CSNK1G3: variants seen among roughly 807,000 people sequenced by gnomAD.
The protein encoded by CSNK1G3 is casein kinase I isoform gamma-3.
A neutral mutation model predicts 64.3 loss-of-function variants in CSNK1G3; 23 were observed. The ratio of observed to expected loss-of-function variants is 0.36; its 90% CI spans 0.26 to 0.51. CSNK1G3 has a LOEUF of 0.51. Among genes scored for constraint, CSNK1G3 ranks in the 20% least tolerant of loss-of-function variants. The probability of loss-of-function intolerance (pLI) is 0.96; values close to 1 mark genes in which losing one functional copy is unlikely to be tolerated. For synonymous variants in CSNK1G3, 158 were observed against 162.2 expected, an observed-to-expected ratio of 0.97 and a Z score of 0.20; for missense variants, 357 against 510.5, an observed-to-expected ratio of 0.70 and a Z score of 2.90.
At chr5:123,516,163 G>A (rs908060346) in intron 1 of CSNK1G3, among the ~76,000 whole-genome samples, 7 of 152,220 alleles carry the variant, frequency 4.6e-5, no homozygotes, top group African/African-American at 2.4e-5. Flanking sequence ...CTTCAGAAGC[G>A]GTAGTTTTGA....
chr5:123,565,822 C>G (rs987397576), intron 4 of CSNK1G3, among the ~76,000 whole-genome samples: 13 of 152,034 alleles, frequency 8.6e-5, no homozygotes, highest in Admixed American at 8.5e-4. Flanking sequence ...GTGCAACACA[C>G]TTTTAAACCA....
chr5:123,515,390 A>G (rs1055348543), intron 1 of CSNK1G3, among the ~76,000 whole-genome samples: 2 of 152,246 alleles, frequency 1.3e-5, no homozygotes, highest in Non-Finnish European at 2.9e-5. Context: ...TTGAATAGTT[A>G]TATTATTGTT....
chr5:123,555,462 T>C (rs890764228), intron 3 of CSNK1G3, among the ~76,000 whole-genome samples: 3 of 152,236 alleles, frequency 2.0e-5, no homozygotes, highest in South Asian at 4.1e-4. Context: ...CTCAGTGTTA[T>C]CTGGCTTTTA....
chr5:123,557,189 G>T (rs1784811426), intron 3 of CSNK1G3, among the ~76,000 whole-genome samples: 1 of 152,068 alleles, frequency 6.6e-6, no homozygotes, highest in South Asian at 2.1e-4. Context: ...AGGAGAAATA[G>T]CATAAGAGCC....
At chr5:123,606,893 G>T (rs1351463472) in intron 12 of CSNK1G3, among the ~76,000 whole-genome samples, 4 of 152,134 alleles carry the variant, frequency 2.6e-5, no homozygotes, top group Non-Finnish European at 5.9e-5. Context: ...GATTGCAGTT[G>T]TACTAGTATA....
chr5:123,592,490 C>T (rs964284), intron 10 of CSNK1G3, among the ~76,000 whole-genome samples: 148,317 of 152,038 alleles, frequency 0.98, 72,349 homozygotes, highest in East Asian at 0.99. Context: ...AAAGTTTTAT[C>T]GAAGACATCT....
At chr5:123,546,315 A>G (rs945925777) in intron 2 of CSNK1G3, among the ~76,000 whole-genome samples, 12 of 152,046 alleles carry the variant, frequency 7.9e-5, no homozygotes, top group African/African-American at 2.4e-4. Context: ...TTCTGCCCCA[A>G]GTATGTTTGG....
exon 13 of CSNK1G3, chr5:123,614,560 CTT>C (rs199591283): frequency 1.3e-3 from 551 of 409,798 alleles, no homozygotes; most frequent in South Asian, 2.4e-3. Context: ...CATTCTTTTT[CTT>C]TTTTTTTTTT....
At chr5:123,599,696 C>G (rs1179325044) in intron 10 of CSNK1G3, among the ~76,000 whole-genome samples, 2 of 152,084 alleles carry the variant, frequency 1.3e-5, no homozygotes, top group Non-Finnish European at 2.9e-5. Context: ...CTATTACAAT[C>G]ACATCTTTCT....
At chr5:123,577,254 A>G (rs924252086) in intron 6 of CSNK1G3, among the ~76,000 whole-genome samples, 1 of 152,060 alleles carries the variant, frequency 6.6e-6, no homozygotes, top group South Asian at 2.1e-4. Flanking sequence ...CTTTTATTGG[A>G]TAATGGTATT....
intron 1 of CSNK1G3, among the ~76,000 whole-genome samples, chr5:123,524,663 C>T (rs1580879002): frequency 6.6e-6 from 1 of 152,102 alleles, no homozygotes; most frequent in Admixed American, 6.5e-5. Flanking sequence ...AGATAATATT[C>T]CTCAAGAAGA....
At chr5:123,595,779 C>T (rs922733058) in intron 10 of CSNK1G3, among the ~76,000 whole-genome samples, 3 of 151,854 alleles carry the variant, frequency 2.0e-5, no homozygotes, top group Non-Finnish European at 4.4e-5. Flanking sequence ...ACTTAGAGAC[C>T]GCTACTATAT....
chr5:123,572,825 T>A (rs1788393123), intron 4 of CSNK1G3, among the ~76,000 whole-genome samples: 2 of 152,216 alleles, frequency 1.3e-5, no homozygotes, highest in Admixed American at 6.5e-5. Context: ...ATTCTCTTCC[T>A]TCTGATCAAC....
exon 5 of CSNK1G3, chr5:123,573,486 A>T: frequency 6.2e-7 from 1 of 1,613,844 alleles, no homozygotes. Context: ...GACTTGTTTG[A>T]CTTGTGTGAC....
At chr5:123,613,575 G>T (rs1018006703) in intron 12 of CSNK1G3, among the ~76,000 whole-genome samples, 5 of 151,770 alleles carry the variant, frequency 3.3e-5, no homozygotes, top group African/African-American at 9.7e-5. Flanking sequence ...TATTGTCCAG[G>T]CTGGTCTTGA....
At chr5:123,602,579 A>C (rs577782521) in intron 10 of CSNK1G3, among the ~76,000 whole-genome samples, 1 of 152,254 alleles carries the variant, frequency 6.6e-6, no homozygotes, top group Admixed American at 6.5e-5. Flanking sequence ...AGTGGGTAGG[A>C]GGGGCATCAA....
intron 2 of CSNK1G3, among the ~76,000 whole-genome samples, chr5:123,550,060 G>A (rs1051591666): frequency 2.0e-5 from 3 of 152,088 alleles, no homozygotes; most frequent in East Asian, 3.9e-4. Context: ...ATTTGGATGG[G>A]TTCATCATTT....
intron 6 of CSNK1G3, among the ~76,000 whole-genome samples, chr5:123,586,116 C>T (rs1266383291): frequency 2.6e-5 from 4 of 152,144 alleles, no homozygotes; most frequent in Admixed American, 2.6e-4. Context: ...GCTATGGTTG[C>T]ACGTAACAAC....
At chr5:123,543,752 C>T (rs1164599366) in intron 1 of CSNK1G3, among the ~76,000 whole-genome samples, 1 of 152,126 alleles carries the variant, frequency 6.6e-6, no homozygotes, top group Admixed American at 6.6e-5. Flanking sequence ...ACAGGTGCTT[C>T]ATATGTTTTG....
Sources: gnomAD v4.1 joint callset for allele counts (sites outside exome capture counted in the v4.1 genomes callset) on GRCh38, gnomAD v4.1.1 for gene constraint, MANE v1.5 for transcripts, NCBI Gene and HGNC (gene_info 2026-07-23, HGNC 2026-07-21) for gene names.